The following EOGT variants were observed in gnomAD, a reference collection of about 807,000 sequenced individuals.
The protein encoded by EOGT is EGF domain specific O-linked N-acetylglucosamine transferase.
EOGT carries 55 observed loss-of-function variants against 70.5 expected under a neutral mutation model. That is an observed-to-expected ratio of 0.78 (90% CI 0.63 to 0.98). EOGT has a LOEUF of 0.98. EOGT is among the 50% of genes least tolerant of loss of function. EOGT has a pLI of 0.00. For synonymous variants in EOGT, 246 were observed against 217.1 expected (o/e 1.13, Z -1.17); for missense variants, 703 against 641.9 (o/e 1.10, Z -1.03).
intron 4 of EOGT, among the ~76,000 whole-genome samples, chr3:69,009,353 T>G (rs566460368): frequency 3.3e-5 from 5 of 152,344 alleles, no homozygotes; most frequent in Admixed American, 3.3e-4. Flanking sequence ...TAACAAGATG[T>G]TCTTTCCTGC....
intron 4 of EOGT, 30 bp from the exon 5 acceptor site, chr3:69,008,558 T>C (rs775870877): frequency 2.7e-6 from 4 of 1,504,382 alleles, no homozygotes; most frequent in Non-Finnish European, 3.7e-6. Context: ...TTGATTTCCC[T>C]TCTTCTGACA....
Position 68,990,348 on chromosome 3 carries a change from CTT to C in EOGT, c.832-1333_832-1332del, listed in dbSNP as rs56046605. On this transcript the variant is annotated intron_variant, in intron 10 of 17. Coordinates refer to ENST00000383701, the MANE Select transcript of EOGT (RefSeq NM_001278689.2). ...TTCTTTCCAGTATAATTACCACATG[CTT>C]TTTTTTTTTTTTTTTTTTTTGAGAC... Among the ~76,000 whole-genome samples, 933 of 107,768 alleles carry C rather than the reference CTT, an allele frequency of 8.7e-3. 4 individuals are homozygous for C. The highest frequency in any genetic ancestry group is 0.03 in the African/African-American group (837 of 28,020). 70.7% of individuals were successfully genotyped at this position (107,768 alleles called of 152,430 possible).
chr3:69,005,875 CA>C (rs772409506), intron 6 of EOGT, among the ~76,000 whole-genome samples: 4 of 152,166 alleles, frequency 2.6e-5, no homozygotes, highest in Non-Finnish European at 4.4e-5. Flanking sequence ...ATTTAAATGC[CA>C]TTTTAATTGT....
chr3:69,011,421 T>G (rs1412545131), intron 3 of EOGT, among the ~76,000 whole-genome samples: 1 of 151,134 alleles, frequency 6.6e-6, no homozygotes, highest in Non-Finnish European at 1.5e-5. Context: ...AGTCCCTGAG[T>G]TCGAGACCAG....
At position 69,013,603 on chromosome 3, in the gene EOGT, G is replaced by T. The variant is rs1262397229; in HGVS notation, c.-385C>A. The T allele has an allele frequency of 2.0e-5, 3 of 153,194 alleles. No homozygotes were observed. Among genetic ancestry groups the T allele is most frequent in the Non-Finnish European group, 4.4e-5 (3 of 68,916 alleles). 9.5% of individuals were successfully genotyped at this position (153,194 alleles called of 1,614,324 possible). The stretch of plus-strand genomic sequence containing the variant: ...AGCCGGGGCAGCCGTGAACTACCGA[G>T]GAGGAGGCGGAGGAGACGGCGGCTG... On this transcript the variant is annotated 5_prime_UTR_variant, in exon 1 of 18. Coordinates refer to ENST00000383701, the MANE Select transcript of EOGT (RefSeq NM_001278689.2).
At position 69,009,665 on chromosome 3, in the gene EOGT, C is replaced by T. The variant is rs1266755265; in HGVS notation, c.182G>A (p.Cys61Tyr). 1 of 1,613,674 alleles carries T rather than the reference C, an allele frequency of 6.2e-7. No homozygotes were observed. The highest frequency in any genetic ancestry group is 8.5e-7 in the Non-Finnish European group (1 of 1,179,818). ...ATATGGACAAAGAGAGTCTTTCCTA[C>T]AGACAGTGGCAATATGCCTATTGTT... ...LHNNRHIATVCRKDSLCPYKK... is the reference protein window; with the variant it reads ...LHNNRHIATVYRKDSLCPYKK... Residue 61 changes from cysteine (C) to tyrosine (Y), a missense_variant, in exon 4 of 18, where the codon TGT becomes TAT. By Grantham distance (194) the Cys-to-Tyr change is radical. Coordinates refer to ENST00000383701, the MANE Select transcript of EOGT (RefSeq NM_001278689.2).
chr3:68,993,209 G>A (rs1375978670), intron 10 of EOGT, among the ~76,000 whole-genome samples: 1 of 152,120 alleles, frequency 6.6e-6, no homozygotes, highest in Non-Finnish European at 1.5e-5. Flanking sequence ...GCACAATCAG[G>A]CTGCAAATTT....
At position 68,997,859 on chromosome 3, in the gene EOGT, A is replaced by T. The variant is rs1455776516; in HGVS notation, c.831+152T>A. The T allele has an allele frequency of 7.2e-6, 4 of 555,444 alleles. No homozygotes were observed. In the East Asian group the frequency reaches 1.3e-4, roughly 17 times the overall value. 34.4% of individuals were successfully genotyped at this position (555,444 alleles called of 1,614,324 possible). On this transcript the variant is annotated intron_variant, in intron 10 of 17. Transcript: ENST00000383701. Reference sequence around the variant, plus strand: ...TACGTATATGCACATGTCAACACATATATGTACAGATACATTCGCACCCAT... The same window carrying T: ...TACGTATATGCACATGTCAACACATTTATGTACAGATACATTCGCACCCAT...
At chr3:68,997,431 C>T (rs1465699780) in intron 10 of EOGT, among the ~76,000 whole-genome samples, 2 of 151,244 alleles carry the variant, frequency 1.3e-5, no homozygotes, top group Middle Eastern at 3.4e-3. Context: ...TGCAGTGGCA[C>T]GATCTCGGCT....
chr3:68,988,245 T>C, intron 13 of EOGT, 50 bp downstream of exon 13: 1 of 1,248,240 alleles, frequency 8.0e-7, no homozygotes, highest in Non-Finnish European at 1.1e-6. Context: ...TCGATTTTTA[T>C]TAGGGAAGAA....
In EOGT at chr3:69,001,650, T is replaced by C; in HGVS notation, c.685A>G (p.Ile229Val). ...FRPIEDAKCDIVIEKPTYFMK... is the reference protein window; with the variant it reads ...FRPIEDAKCDVVIEKPTYFMK... Reference sequence around the variant, plus strand: ...AAATATGTTGGTTTTTCAATGACAATGTCACATTTAGCATCTTCTATAGGT... The same window carrying C: ...AAATATGTTGGTTTTTCAATGACAACGTCACATTTAGCATCTTCTATAGGT... Residue 229 changes from isoleucine to valine, a missense_variant, in exon 9 of 18, where the codon ATT becomes GTT. Physicochemically the swap from Ile to Val is conservative, Grantham distance 29. Coordinates refer to ENST00000383701, the MANE Select transcript of EOGT (RefSeq NM_001278689.2). 1 of 1,611,396 alleles carries C rather than the reference T, an allele frequency of 6.2e-7. No individual in the cohort carries two copies. The highest frequency in any genetic ancestry group is 8.5e-7 in the Non-Finnish European group (1 of 1,179,192).
At position 68,976,449 on chromosome 3, in the gene EOGT, A is replaced by G. The variant is rs2090474260; in HGVS notation, c.*1169T>C. On this transcript the variant is annotated 3_prime_UTR_variant, in exon 18 of 18. Transcript: ENST00000383701. ...CAGAAGGTATGCAAGACAGTCCTAC[A>G]GAATGTTCTAATTTGCTTTTATCAC... 1 of 152,242 alleles carries G rather than the reference A, an allele frequency of 6.6e-6. No homozygotes were observed. The highest frequency in any genetic ancestry group is 1.5e-5 in the Non-Finnish European group (1 of 68,050). The allele number at this position is 152,242 out of a possible 1,614,324, so 9.4% of individuals were successfully genotyped here. A position where few individuals can be genotyped will look rare whatever the true frequency, so the allele number is the denominator to read the frequency against.
intron 10 of EOGT, among the ~76,000 whole-genome samples, chr3:68,993,261 C>T (rs1237037391): frequency 1.3e-5 from 2 of 152,156 alleles, no homozygotes; most frequent in African/African-American, 4.8e-5. Context: ...AACTGAGTGT[C>T]TTTCACAGCA....
Position 68,988,317 on chromosome 3 carries a change from T to G in EOGT, c.1061A>C (p.Asn354Thr), listed in dbSNP as rs777221327. The G allele has an allele frequency of 1.3e-4, 194 of 1,535,788 alleles. No homozygotes were observed. The highest frequency in any genetic ancestry group is 1.6e-4 in the Non-Finnish European group (183 of 1,146,708). Residue 354 changes from asparagine (N) to threonine (T), a missense_variant, in exon 13 of 18, where the codon AAC (asparagine) becomes ACC (threonine). Physicochemically the swap from Asn to Thr is moderately conservative, Grantham distance 65. Coordinates refer to ENST00000383701, the MANE Select transcript of EOGT (RefSeq NM_001278689.2). The part of the protein sequence containing the change: ...AFAQHVLHRL[N>T]ITQEGPKDGK... ...TACCTTAGGTCCTTCTTGTGTGATGTTTAGTCTGTGTAGTACATGCTGGGC... is the reference window on the plus strand; with the variant it reads ...TACCTTAGGTCCTTCTTGTGTGATGGTTAGTCTGTGTAGTACATGCTGGGC...
intron 4 of EOGT, 92 bp downstream of exon 4, chr3:69,009,545 T>G: frequency 1.1e-6 from 1 of 943,318 alleles, no homozygotes; most frequent in Non-Finnish European, 1.6e-6. Context: ...AAAATTAGAA[T>G]TCTGCCTTCA....
At chr3:69,007,687 T>C in intron 6 of EOGT, 26 bp downstream of exon 6, 1 of 1,399,658 alleles carries the variant, frequency 7.1e-7, no homozygotes, top group Non-Finnish European at 9.9e-7. Context: ...TAAACAAGTT[T>C]ATTTAGTAAG....
chr3:68,989,140 A>G (rs1206542717), intron 10 of EOGT, 123 bp from the exon 11 acceptor site: 1 of 530,852 alleles, frequency 1.9e-6, no homozygotes, highest in Non-Finnish European at 3.2e-6. Flanking sequence ...CAAGTTCATA[A>G]AATCCATACA....
rs1278116958 is a variant in EOGT, at chr3:68,975,929, C to T, written c.*1689G>A. The stretch of plus-strand genomic sequence containing the variant: ...AAAATATTTTTAAAAAATTATTTAG[C>T]TATTCTGTAATTTGTTACTCCATTA... On this transcript the variant is annotated 3_prime_UTR_variant, in exon 18 of 18. Coordinates refer to ENST00000383701, the MANE Select transcript of EOGT (RefSeq NM_001278689.2). The T allele has an allele frequency of 6.6e-6, 1 of 152,064 alleles. No homozygotes were observed. The highest frequency in any genetic ancestry group is 1.5e-5 in the Non-Finnish European group (1 of 68,004). The allele number at this position is 152,064 out of a possible 1,614,324, so 9.4% of individuals were successfully genotyped here.
intron 2 of EOGT, chr3:69,012,234 A>C (rs1195915777): frequency 1.3e-5 from 2 of 152,166 alleles, no homozygotes; most frequent in African/African-American, 2.4e-5. Flanking sequence ...GAACGGGAGG[A>C]GGTGGCCCAC....
Sources: allele counts gnomAD v4.1 joint callset (sites outside exome capture counted in the v4.1 genomes callset), GRCh38; gene constraint gnomAD v4.1.1; transcripts MANE v1.5; gene names NCBI Gene and HGNC (gene_info 2026-07-23, HGNC 2026-07-21).